The following NME7 variants were observed in gnomAD, a reference collection of about 807,000 sequenced individuals.
NME7 encodes the protein NME/NM23 family member 7.
NME7 carries 41 observed loss-of-function variants against 49.1 expected under a neutral mutation model. That is an observed-to-expected ratio of 0.83 (90% CI 0.65 to 1.08). NME7 has a LOEUF of 1.08. Ranked by LOEUF, NME7 falls within the 50% of genes least tolerant of loss-of-function variation. NME7 has a pLI of 0.00. For missense variants in NME7, 423 were observed against 463.4 expected, an observed-to-expected ratio of 0.91 and a Z score of 0.80; for synonymous variants, 139 against 150.6, an observed-to-expected ratio of 0.92 and a Z score of 0.56.
intron 7 of NME7, among the ~76,000 whole-genome samples, chr1:169,257,990 A>G (rs1253273467): frequency 7.5e-6 from 1 of 133,674 alleles, no homozygotes; most frequent in African/African-American, 2.5e-5. Context: ...AACAACACAA[A>G]GTAAATAAAT....
intron 10 of NME7, among the ~76,000 whole-genome samples, chr1:169,184,135 A>G (rs1043180975): frequency 6.6e-6 from 1 of 151,518 alleles, no homozygotes; most frequent in Non-Finnish European, 1.5e-5. Context: ...ACACACTTAC[A>G]TTGTTTTTAA....
intron 11 of NME7, among the ~76,000 whole-genome samples, chr1:169,147,820 C>A (rs1379062896): frequency 6.6e-6 from 1 of 152,142 alleles, no homozygotes; most frequent in Non-Finnish European, 1.5e-5. Flanking sequence ...GGATAAGATA[C>A]TTTCAAGATG....
intron 10 of NME7, among the ~76,000 whole-genome samples, chr1:169,227,139 A>G (rs1216457846): frequency 6.6e-6 from 1 of 152,168 alleles, no homozygotes; most frequent in Non-Finnish European, 1.5e-5. Flanking sequence ...GGGAATCAGC[A>G]TTGTTTTCTT....
At chr1:169,154,627 G>A (rs983492400) in intron 11 of NME7, among the ~76,000 whole-genome samples, 6 of 151,800 alleles carry the variant, frequency 4.0e-5, no homozygotes, top group African/African-American at 7.3e-5. Context: ...GTAAAACACC[G>A]TCTCTACTAA....
intron 4 of NME7, among the ~76,000 whole-genome samples, chr1:169,304,912 G>A (rs1048651754): frequency 6.6e-6 from 1 of 152,144 alleles, no homozygotes; most frequent in African/African-American, 2.4e-5. Context: ...CTGAATAACT[G>A]AAAAACTTAC....
At chr1:169,210,776 A>G (rs1660789259) in intron 10 of NME7, among the ~76,000 whole-genome samples, 1 of 152,152 alleles carries the variant, frequency 6.6e-6, no homozygotes, top group South Asian at 2.1e-4. Flanking sequence ...ATCAGAGGCA[A>G]TATAATACCT....
intron 7 of NME7, among the ~76,000 whole-genome samples, chr1:169,268,135 G>A (rs1649376228): frequency 7.5e-6 from 1 of 133,194 alleles, no homozygotes; most frequent in South Asian, 2.3e-4. Context: ...TGAAGGACAT[G>A]AACAGACAAT....
chr1:169,258,397 T>TAC (rs1362892334), intron 7 of NME7, among the ~76,000 whole-genome samples: 7 of 82,614 alleles, frequency 8.5e-5, no homozygotes, highest in African/African-American at 3.2e-4. Flanking sequence ...TATATATATA[T>TAC]ATATATATAC....
At chr1:169,277,166 G>T (rs1649769971) in intron 7 of NME7, among the ~76,000 whole-genome samples, 2 of 150,092 alleles carry the variant, frequency 1.3e-5, no homozygotes, top group South Asian at 2.2e-4. Flanking sequence ...ATATTCTGTT[G>T]ATTTGGGGTG....
intron 7 of NME7, among the ~76,000 whole-genome samples, chr1:169,273,153 C>G (rs952433649): frequency 7.5e-6 from 1 of 133,486 alleles, no homozygotes; most frequent in African/African-American, 2.5e-5. Flanking sequence ...TGGTTAGCTG[C>G]ACCCATCAAC....
intron 10 of NME7, among the ~76,000 whole-genome samples, chr1:169,171,870 C>T (rs1470323954): frequency 6.6e-6 from 1 of 150,446 alleles, no homozygotes; most frequent in East Asian, 1.9e-4. Context: ...CAGGGACATG[C>T]TGCTAGATGA....
rs75596295 is a variant in NME7 at position 169,320,085 on chromosome 1, C to A, written c.278+3032G>T. The stretch of plus-strand genomic sequence containing the variant: ...TGCATACATATACATATTGACTCAT[C>A]ATATGAAAACTTTAATTATTTCTGG... On this transcript the variant is annotated intron_variant, in intron 3 of 11. Coordinates refer to ENST00000367811, the MANE Select transcript of NME7 (RefSeq NM_013330.5). Among the ~76,000 whole-genome samples, 654 of 152,212 alleles carry A rather than the reference C, an allele frequency of 4.3e-3. 5 individuals carry two copies. The highest frequency in any genetic ancestry group is 0.015 in the African/African-American group (614 of 41,508).
intron 3 of NME7, among the ~76,000 whole-genome samples, chr1:169,313,452 T>C (rs986973399): frequency 6.6e-6 from 1 of 152,136 alleles, no homozygotes. Flanking sequence ...ATCTAAGCAG[T>C]CTCAAAACTT....
intron 3 of NME7, among the ~76,000 whole-genome samples, chr1:169,312,528 G>A (rs972976979): frequency 6.6e-6 from 1 of 152,156 alleles, no homozygotes; most frequent in Admixed American, 6.5e-5. Flanking sequence ...CACTATTTAA[G>A]ATTAAAACTT....
chr1:169,179,171 G>A (rs1474432008), intron 10 of NME7, among the ~76,000 whole-genome samples: 1 of 152,068 alleles, frequency 6.6e-6, no homozygotes, highest in African/African-American at 2.4e-5. Flanking sequence ...CAGAAATAAT[G>A]GATCTAATAC....
intron 7 of NME7, among the ~76,000 whole-genome samples, chr1:169,282,084 T>G (rs1306523603): frequency 6.6e-6 from 1 of 152,130 alleles, no homozygotes; most frequent in African/African-American, 2.4e-5. Flanking sequence ...GTCCTGGACT[T>G]TTTTTGGTTG....
chr1:169,358,528 A>T (rs1049745497), intron 1 of NME7, among the ~76,000 whole-genome samples: 5 of 152,134 alleles, frequency 3.3e-5, no homozygotes, highest in South Asian at 2.1e-4. Flanking sequence ...AATAATAGTT[A>T]AAAAAAGGCC....
At chr1:169,313,315 T>C (rs2101924422) in intron 3 of NME7, among the ~76,000 whole-genome samples, 1 of 151,994 alleles carries the variant, frequency 6.6e-6, no homozygotes, top group African/African-American at 2.4e-5. Flanking sequence ...CAGTACATCA[T>C]TGGGAAAGGG....
intron 1 of NME7, among the ~76,000 whole-genome samples, chr1:169,336,931 C>T (rs980680719): frequency 5.3e-5 from 8 of 152,110 alleles, no homozygotes; most frequent in East Asian, 1.9e-4. Context: ...TACAGAGTGC[C>T]GATTGGTGTA....
Sources: allele counts gnomAD v4.1 joint callset (sites outside exome capture counted in the v4.1 genomes callset), GRCh38; gene constraint gnomAD v4.1.1; transcripts MANE v1.5; gene names NCBI Gene and HGNC (gene_info 2026-07-23, HGNC 2026-07-21).